The following PTPRD variants were observed in gnomAD, a reference collection of about 807,000 sequenced individuals.
PTPRD encodes receptor-type tyrosine-protein phosphatase delta.
A neutral mutation model predicts 214.5 loss-of-function variants in PTPRD; 34 were observed. That is an observed-to-expected ratio of 0.16 (90% confidence interval 0.12 to 0.21). The LOEUF (loss-of-function observed/expected upper bound fraction) is 0.21, where lower values mean the gene tolerates loss of function less well. Ranked by LOEUF, PTPRD falls within the 10% of genes least tolerant of loss-of-function variation. The pLI is 1.00. For synonymous variants in PTPRD, 1,128 were observed against 845.7 expected, an observed-to-expected ratio of 1.33 and a Z score of -5.79; for missense variants, 2,545 against 2,398.7, an observed-to-expected ratio of 1.06 and a Z score of -1.27.
chr9:10,356,252 G>A (rs545663046), intron 2 of PTPRD, among the ~76,000 whole-genome samples: 17 of 152,104 alleles, frequency 1.1e-4, no homozygotes, highest in Non-Finnish European at 1.6e-4. Flanking sequence ...TGAAGACAGT[G>A]CCTCAAGGAG....
At chr9:9,750,086 T>C (rs2098501921) in intron 6 of PTPRD, among the ~76,000 whole-genome samples, 2 of 152,150 alleles carry the variant, frequency 1.3e-5, no homozygotes, top group Non-Finnish European at 2.9e-5. Flanking sequence ...TAAAGCAGTT[T>C]TACTTAACAT....
intron 14 of PTPRD, among the ~76,000 whole-genome samples, chr9:8,613,888 GAATA>G (rs908841984): frequency 1.3e-5 from 2 of 151,686 alleles, no homozygotes; most frequent in African/African-American, 2.4e-5. Flanking sequence ...TTTCCTAAAT[GAATA>G]AATAGTCTGT....
At chr9:10,542,427 T>A (rs949191979) in intron 2 of PTPRD, among the ~76,000 whole-genome samples, 2 of 152,224 alleles carry the variant, frequency 1.3e-5, no homozygotes, top group African/African-American at 4.8e-5. Flanking sequence ...ATATTAGAAC[T>A]TGGTCATTCT....
chr9:8,722,064 A>G (rs1005775663), intron 12 of PTPRD, among the ~76,000 whole-genome samples: 3 of 152,100 alleles, frequency 2.0e-5, no homozygotes, highest in African/African-American at 2.4e-5. Flanking sequence ...GATAAGAAAA[A>G]TCATCTCAAT....
intron 7 of PTPRD, among the ~76,000 whole-genome samples, chr9:9,617,139 G>T (rs2094922552): frequency 6.6e-6 from 1 of 152,060 alleles, no homozygotes; most frequent in Non-Finnish European, 1.5e-5. Flanking sequence ...TGCTTATTCT[G>T]GGAGTTTTAT....
chr9:10,462,105 T>G (rs7850565), intron 2 of PTPRD, among the ~76,000 whole-genome samples: 1 of 151,958 alleles, frequency 6.6e-6, no homozygotes, highest in South Asian at 2.1e-4. Context: ...TGAGGAATGA[T>G]AGTTAGCGTA....
chr9:9,937,980 C>T (rs919351751), intron 5 of PTPRD, among the ~76,000 whole-genome samples: 1 of 152,064 alleles, frequency 6.6e-6, no homozygotes, highest in Non-Finnish European at 1.5e-5. Context: ...AGAGATCTTA[C>T]CTCTTGTAAT....
intron 2 of PTPRD, among the ~76,000 whole-genome samples, chr9:10,492,075 C>T (rs777696446): frequency 2.5e-4 from 38 of 152,040 alleles, no homozygotes; most frequent in African/African-American, 8.7e-4. Flanking sequence ...AGTATTCCAT[C>T]GTGTACATGT....
rs1555302230 is a variant in PTPRD, at chr9:9,900,641, G to GTTTTTTTTTTTTT, written c.-368+37853_-368+37865dup. 4.4e-3 allele frequency among the ~76,000 whole-genome samples: 529 copies of GTTTTTTTTTTTTT among 120,004 alleles called. 22 individuals are homozygous for GTTTTTTTTTTTTT. Among genetic ancestry groups the GTTTTTTTTTTTTT allele is most frequent in the African/African-American group, 0.016 (507 of 32,002 alleles). The allele number at this position is 120,004 out of a possible 152,430, so 78.7% of individuals were successfully genotyped here. ...TCCAAAGGTGCTTCCACATTTTCAGGTTTTTTTTTTTTTTGAGATGGAGTC... is the reference window on the plus strand; with the variant it reads ...TCCAAAGGTGCTTCCACATTTTCAGGTTTTTTTTTTTTTTTTTTTTTTTTTTTGAGATGGAGTC... On this transcript the variant is annotated intron_variant, in intron 5 of 45. Transcript: ENST00000381196.
At chr9:8,553,235 G>C (rs2082639221) in intron 14 of PTPRD, among the ~76,000 whole-genome samples, 1 of 152,120 alleles carries the variant, frequency 6.6e-6, no homozygotes, top group Non-Finnish European at 1.5e-5. Context: ...TACAGTTTTT[G>C]TTAAACTGTG....
At chr9:9,936,466 A>G (rs1471299030) in intron 5 of PTPRD, among the ~76,000 whole-genome samples, 1 of 150,942 alleles carries the variant, frequency 6.6e-6, no homozygotes, top group Non-Finnish European at 1.5e-5. Context: ...CAAAAAACAC[A>G]TGAAAAAATG....
intron 10 of PTPRD, among the ~76,000 whole-genome samples, chr9:9,153,332 C>T (rs1434904340): frequency 2.6e-5 from 4 of 152,162 alleles, no homozygotes; most frequent in Admixed American, 2.0e-4. Flanking sequence ...ATGGAATCAG[C>T]TTACATTCTT....
chr9:9,493,960 T>C (rs2096052455), intron 8 of PTPRD, among the ~76,000 whole-genome samples: 1 of 152,108 alleles, frequency 6.6e-6, no homozygotes, highest in Non-Finnish European at 1.5e-5. Flanking sequence ...TTGTAATTCA[T>C]GAGAGAAGGC....
intron 7 of PTPRD, among the ~76,000 whole-genome samples, chr9:9,664,671 T>C (rs1030333890): frequency 4.0e-5 from 6 of 151,742 alleles, no homozygotes; most frequent in Non-Finnish European, 8.9e-5. Context: ...GTATCCTTAA[T>C]GCATGGACAG....
rs919906682 is a variant in PTPRD at position 9,801,940 on chromosome 9, T to G, written c.-367-35089A>C. Among the ~76,000 whole-genome samples the G allele has an allele frequency of 1.6e-4, 25 of 152,226 alleles. 1 individual carries two copies. Among genetic ancestry groups the G allele is most frequent in the African/African-American group, 6.0e-4 (25 of 41,566 alleles). On this transcript the variant is annotated intron_variant, in intron 5 of 45. Transcript: ENST00000381196. ...TGATAACAAATAAAGGTTATTGTTCTGTTTATACAAGAATGGAGTCAGCTT... is the reference window on the plus strand; with the variant it reads ...TGATAACAAATAAAGGTTATTGTTCGGTTTATACAAGAATGGAGTCAGCTT...
At chr9:9,630,683 A>T (rs2095562621) in intron 7 of PTPRD, among the ~76,000 whole-genome samples, 1 of 152,192 alleles carries the variant, frequency 6.6e-6, no homozygotes, top group Non-Finnish European at 1.5e-5. Flanking sequence ...AGATAAATGT[A>T]TTCCCCTCTT....
At chr9:10,055,061 C>A (rs1019542972) in intron 3 of PTPRD, among the ~76,000 whole-genome samples, 1 of 152,004 alleles carries the variant, frequency 6.6e-6, no homozygotes, top group Admixed American at 6.6e-5. Flanking sequence ...ATGTGAGGAC[C>A]CAGCAAGAAG....
At chr9:8,731,807 C>T (rs1158202431) in intron 12 of PTPRD, among the ~76,000 whole-genome samples, 1 of 152,114 alleles carries the variant, frequency 6.6e-6, no homozygotes, top group East Asian at 1.9e-4. Flanking sequence ...TTCAAGAGTG[C>T]CAAATGAATC....
At chr9:9,605,452 CTA>C (rs1017868172) in intron 7 of PTPRD, among the ~76,000 whole-genome samples, 22 of 152,076 alleles carry the variant, frequency 1.4e-4, no homozygotes, top group African/African-American at 5.3e-4. Context: ...TATATTGTCA[CTA>C]TATCTTTAAT....
Sources: allele counts gnomAD v4.1 joint callset (sites outside exome capture counted in the v4.1 genomes callset), GRCh38; gene constraint gnomAD v4.1.1; transcripts MANE v1.5; gene names NCBI Gene and HGNC (gene_info 2026-07-23, HGNC 2026-07-21).